Variants in PUS7 observed in about 807,000 individuals in gnomAD.
The protein encoded by PUS7 is pseudouridylate synthase 7 homolog.
A neutral mutation model predicts 79.8 loss-of-function variants in PUS7; 48 were observed. The observed-to-expected ratio is 0.60, with a 90% CI of 0.48 to 0.76. The LOEUF is 0.76. Among genes scored for constraint, PUS7 ranks in the 30% least tolerant of loss-of-function variants. The pLI is 0.00. For synonymous variants in PUS7, 286 were observed against 272.2 expected (o/e 1.05, Z -0.50); for missense variants, 729 against 797.6 (o/e 0.91, Z 1.04).
At chr7:105,514,558 C>T (rs79191122) in intron 1 of PUS7, among the ~76,000 whole-genome samples, 20 of 144,956 alleles carry the variant, frequency 1.4e-4, no homozygotes, top group East Asian at 1.1e-3. Context: ...GAGCCGAGAT[C>T]GCGCCACTGT....
intron 7 of PUS7, among the ~76,000 whole-genome samples, chr7:105,489,205 C>CTT (rs1163571317): frequency 2.2e-5 from 3 of 135,024 alleles, no homozygotes; most frequent in African/African-American, 8.1e-5. Flanking sequence ...AATAAACTGA[C>CTT]TTTTTTTTTT....
intron 1 of PUS7, among the ~76,000 whole-genome samples, chr7:105,518,262 G>A (rs1206735075): frequency 2.0e-5 from 3 of 152,150 alleles, no homozygotes; most frequent in South Asian, 2.1e-4. Context: ...GCAGTAAGCC[G>A]TGATGGTGCC....
intron 9 of PUS7, among the ~76,000 whole-genome samples, chr7:105,475,485 A>AT (rs538269458): frequency 1.1e-4 from 17 of 150,004 alleles, no homozygotes; most frequent in East Asian, 1.9e-4. Context: ...GTGCCAGGCC[A>AT]TTTTTTTTGT....
intron 1 of PUS7, among the ~76,000 whole-genome samples, chr7:105,520,519 A>AAAATAAAT (rs139684453): frequency 0.018 from 2,497 of 140,612 alleles, 53 homozygotes; most frequent in Admixed American, 0.049. Context: ...AGACTGTCTC[A>AAAATAAAT]AAATAAATAA....
intron 1 of PUS7, among the ~76,000 whole-genome samples, chr7:105,515,222 C>G (rs1342844035): frequency 6.6e-6 from 1 of 152,164 alleles, no homozygotes; most frequent in Non-Finnish European, 1.5e-5. Context: ...GTACTCTCCC[C>G]AAAAAGAAAC....
intron 1 of PUS7, among the ~76,000 whole-genome samples, chr7:105,518,046 G>GC (rs1331127120): frequency 6.6e-6 from 1 of 152,096 alleles, no homozygotes; most frequent in Non-Finnish European, 1.5e-5. Context: ...TACTCAGGAG[G>GC]CTGAGACAGG....
chr7:105,465,139 T>C (rs1455179385), intron 13 of PUS7, among the ~76,000 whole-genome samples, 174 bp downstream of exon 13: 5 of 152,334 alleles, frequency 3.3e-5, no homozygotes, highest in Middle Eastern at 3.4e-3. Flanking sequence ...TTTTATTTTA[T>C]AATTTCAACT....
rs1402455916 is a variant in PUS7, at chr7:105,481,102, A to G, written c.1125T>C (p.Tyr375=). The G allele has an allele frequency of 6.2e-7, 1 of 1,612,872 alleles. No homozygotes were observed. The highest frequency in any genetic ancestry group is 1.3e-5 in the African/African-American group (1 of 74,910). The change falls in exon 9 of 16, where the codon TAT becomes TAC. Residue 375 remains tyrosine (Y), a synonymous_variant. Transcript: ENST00000469408. ...SLKEIGFINY[Y]GMQRFGTTAV... ...CTGTGGTTCCAAATCTTTGCATTCC[A>G]TAGTAGTTAATAAATCCAATCTCCT...
Position 105,502,525 on chromosome 7 carries a change from G to T in PUS7, c.625C>A (p.Gln209Lys). 1 of 1,613,980 alleles carries T rather than the reference G, an allele frequency of 6.2e-7. No individual in the cohort carries two copies. Among genetic ancestry groups the T allele is most frequent in the Non-Finnish European group, 8.5e-7 (1 of 1,179,942 alleles). Reference protein sequence around the residue: ...DTKEKRTIIHQAIKSLFPGLE... With the variant: ...DTKEKRTIIHKAIKSLFPGLE... Reference sequence around the variant, plus strand: ...CCTGGAAACAGAGATTTGATAGCCTGATGGATGATGGTTCTTTTCTCTTTG... The same window carrying T: ...CCTGGAAACAGAGATTTGATAGCCTTATGGATGATGGTTCTTTTCTCTTTG... The change falls in exon 5 of 16, where the codon CAG becomes AAG. Residue 209 changes from glutamine (Q) to lysine (K), a missense_variant. Transcript: ENST00000469408.
At position 105,457,940 on chromosome 7, in the gene PUS7, A is replaced by C. The variant is rs758982283; in HGVS notation, c.1850-14T>G. 1.2e-6 allele frequency: 2 copies of C among 1,611,028 alleles called. No homozygotes were observed. Among genetic ancestry groups the C allele is most frequent in the African/African-American group, 2.7e-5 (2 of 74,672 alleles). On this transcript the variant is annotated splice_polypyrimidine_tract_variant and intron_variant, in intron 15 of 15. Coordinates refer to ENST00000469408, the MANE Select transcript of PUS7 (RefSeq NM_019042.5). ...TGTATTTGCCTTCTGCAAGGCAAGA[A>C]AGAAAACAGTCAGAAAATGAAGGCA...
chr7:105,515,764 C>G (rs1222361129), intron 1 of PUS7, among the ~76,000 whole-genome samples: 1 of 121,548 alleles, frequency 8.2e-6, no homozygotes, highest in African/African-American at 3.2e-5. Flanking sequence ...AGTAGCTGGG[C>G]CCGACTAAGT....
intron 8 of PUS7, 120 bp from the exon 9 acceptor site, chr7:105,481,297 T>G (rs1824310289): frequency 1.5e-6 from 1 of 674,968 alleles, no homozygotes; most frequent in Admixed American, 3.7e-5. Context: ...CAGCTTTCTC[T>G]CTACCTCCCA....
intron 4 of PUS7, 123 bp from the exon 5 acceptor site, chr7:105,502,687 A>C (rs1191134105): frequency 1.9e-6 from 2 of 1,070,402 alleles, no homozygotes; most frequent in East Asian, 4.9e-5. Context: ...AAGTGCCTGC[A>C]TACGATTTCA....
chr7:105,457,546 T>G lies in PUS7; in HGVS notation c.*244A>C. ...TTGTAAAGCTGACATTTTACTCTGA[T>G]TTAAGCACCTGAAGTGTATTTTGAC... On this transcript the variant is annotated 3_prime_UTR_variant, in exon 16 of 16. Transcript: ENST00000469408. 1 of 314,424 alleles carries G rather than the reference T, an allele frequency of 3.2e-6. No individual in the cohort carries two copies. The highest frequency in any genetic ancestry group is 5.8e-6 in the Non-Finnish European group (1 of 173,134). The allele number at this position is 314,424 out of a possible 1,614,324, so 19.5% of individuals were successfully genotyped here.
At chr7:105,471,785 G>A (rs1823883178) in intron 10 of PUS7, among the ~76,000 whole-genome samples, 1 of 152,034 alleles carries the variant, frequency 6.6e-6, no homozygotes, top group Admixed American at 6.6e-5. Flanking sequence ...GGTGCTGCAA[G>A]CCTGTAATCC....
At chr7:105,490,511 G>A (rs1562804425) in intron 7 of PUS7, among the ~76,000 whole-genome samples, 1 of 151,982 alleles carries the variant, frequency 6.6e-6, no homozygotes, top group Non-Finnish European at 1.5e-5. Context: ...AGTTTTGCAT[G>A]TCTTGCTCCA....
rs771989232 is a variant in PUS7, at chr7:105,505,960, T to C, written c.580A>G (p.Ile194Val). The C allele has an allele frequency of 1.2e-5, 19 of 1,608,586 alleles. No individual in the cohort carries two copies. The highest frequency in any genetic ancestry group is 1.6e-5 in the Non-Finnish European group (19 of 1,177,854). ...TATATTTTTGCATTAGTTACCTCAA[T>C]GGCAACACTGGTTTCCTTATTTTTG... ...LFKNKETSVA[I>V]EVIEDTKEKR... is the part of the protein sequence containing the mutation. Residue 194 changes from isoleucine (I) to valine (V), a missense_variant, in exon 4 of 16, where the codon ATT (isoleucine) becomes GTT (valine). By Grantham distance (29) the Ile-to-Val change is conservative. Transcript: ENST00000469408.
chr7:105,512,033 T>C (rs1825721529), intron 1 of PUS7, among the ~76,000 whole-genome samples: 1 of 150,464 alleles, frequency 6.6e-6, no homozygotes, highest in Admixed American at 6.7e-5. Flanking sequence ...TAATCCCAGC[T>C]ACTCAGAAGG....
intron 1 of PUS7, among the ~76,000 whole-genome samples, chr7:105,513,610 GC>G (rs369764615): frequency 0.14 from 20,731 of 151,564 alleles, 1,819 homozygotes; most frequent in South Asian, 0.26. Context: ...GCCAAGGCAG[GC>G]CGGATCACGA....
Sources: allele counts gnomAD v4.1 joint callset (sites outside exome capture counted in the v4.1 genomes callset), GRCh38; gene constraint gnomAD v4.1.1; transcripts MANE v1.5; gene names NCBI Gene and HGNC (gene_info 2026-07-23, HGNC 2026-07-21).